The following DST variants were observed in gnomAD, a reference collection of about 807,000 sequenced individuals.
DST encodes bullous pemphigoid antigen.
In DST, 253 loss-of-function variants were observed where a neutral mutation model predicts 875.2. The ratio of observed to expected loss-of-function variants is 0.29; its 90% CI spans 0.26 to 0.32. The LOEUF (loss-of-function observed/expected upper bound fraction) is 0.32. Among genes scored for constraint, DST ranks in the 10% least tolerant of loss-of-function variants. The pLI, the probability that DST is intolerant of heterozygous loss-of-function variation, is 1.00. For synonymous variants in DST, 3,124 were observed against 3,197.1 expected, an observed-to-expected ratio of 0.98 and a Z score of 0.77; for missense variants, 8,287 against 9,111.6, an observed-to-expected ratio of 0.91 and a Z score of 3.68.
At position 56,548,138 on chromosome 6, in the gene DST, G is replaced by C. The variant is rs967929080; in HGVS notation, c.16608+4046C>G. ...GGGCCACACTGGAAGAAGAAGAGTT[G>C]TCTTAGGCCACCCATAAAATACACT... On this transcript the variant is annotated intron_variant, in intron 61 of 103. Transcript: ENST00000680361. Among the ~76,000 whole-genome samples the C allele has an allele frequency of 3.3e-5, 5 of 152,176 alleles. No individual in the cohort carries two copies. The East Asian group carries it at 9.6e-4, about 29-fold the overall frequency.
Position 56,504,029 on chromosome 6 carries a change from C to T in DST, c.19534G>A (p.Glu6512Lys), listed in dbSNP as rs756660501. 8 of 1,609,008 alleles carry T rather than the reference C, an allele frequency of 5.0e-6. No homozygotes were observed. The highest frequency in any genetic ancestry group is 1.7e-5 in the Admixed American group (1 of 59,086). The change falls in exon 78 of 104, where the codon GAA (glutamate) becomes AAA (lysine). Residue 6512 changes from glutamate to lysine, a missense_variant. Coordinates refer to ENST00000680361, the MANE Select transcript of DST (RefSeq NM_001374736.1). ...TCTTCAATCTGCTGCTTGACAGTTTCGAGATCTGTTCCAATTGGAGACATT... is the reference window on the plus strand; with the variant it reads ...TCTTCAATCTGCTGCTTGACAGTTTTGAGATCTGTTCCAATTGGAGACATT... ...ASMSPIGTDL[E>K]TVKQQIEELK...
At chr6:56,912,539 C>A (rs756603603) in intron 2 of DST, among the ~76,000 whole-genome samples, 1 of 152,110 alleles carries the variant, frequency 6.6e-6, no homozygotes, top group Non-Finnish European at 1.5e-5. Flanking sequence ...TACCTAAAAT[C>A]GGTGATGGCT....
At chr6:56,732,120 C>T (rs891600983) in intron 5 of DST, among the ~76,000 whole-genome samples, 1 of 152,126 alleles carries the variant, frequency 6.6e-6, no homozygotes, top group Admixed American at 6.5e-5. Flanking sequence ...TTCACAAGTG[C>T]TAGTTAATTC....
chr6:56,485,513 C>T (rs546424015), intron 87 of DST, 42 bp from the exon 88 acceptor site: 102 of 1,582,150 alleles, frequency 6.4e-5, no homozygotes, highest in Middle Eastern at 1.7e-4. Context: ...CAACAAAAAA[C>T]GTCACTCATA....
rs1371999313 is a variant in DST, at chr6:56,735,226, A to G, written c.687+2T>C. Reference sequence around the variant, plus strand: ...CAGGAAGTGAACGAAATAAAAACTGACCTTCATGAGATGCTGATTTATCCA... The same window carrying G: ...CAGGAAGTGAACGAAATAAAAACTGGCCTTCATGAGATGCTGATTTATCCA... On this transcript the variant is annotated splice_donor_variant, in intron 5 of 103. Coordinates refer to ENST00000680361, the MANE Select transcript of DST (RefSeq NM_001374736.1). LOFTEE classifies it high-confidence loss of function. The G allele has an allele frequency of 6.5e-7, 1 of 1,543,278 alleles. No individual in the cohort carries two copies. Among genetic ancestry groups the G allele is most frequent in the East Asian group, 2.4e-5 (1 of 41,360 alleles).
intron 4 of DST, among the ~76,000 whole-genome samples, chr6:56,811,827 G>T (rs945872245): frequency 6.6e-6 from 1 of 152,048 alleles, no homozygotes; most frequent in Admixed American, 6.6e-5. Flanking sequence ...AGGCACAGTG[G>T]TTCACACCTG....
At chr6:56,668,694 G>A (rs2099084367) in intron 10 of DST, among the ~76,000 whole-genome samples, 1 of 152,006 alleles carries the variant, frequency 6.6e-6, no homozygotes, top group Non-Finnish European at 1.5e-5. Context: ...CTTGAACCTG[G>A]GAGGCAGAGG....
intron 49 of DST, 126 bp from the exon 50 acceptor site, chr6:56,579,063 T>C: frequency 3.9e-6 from 3 of 778,352 alleles, no homozygotes; most frequent in East Asian, 2.9e-5. Context: ...CATACCAACT[T>C]TCATCATCAA....
At position 56,773,173 on chromosome 6, in the gene DST, T is replaced by C. The variant is rs577891885; in HGVS notation, c.626-37884A>G. ...AACACACAGCTGAGCAATTCCTAGA[T>C]TCCTGTCCCTCAGAAACTGTGATAC... is the stretch of plus-strand genomic sequence containing the variant. On this transcript the variant is annotated intron_variant, in intron 4 of 103. Transcript: ENST00000680361. Among the ~76,000 whole-genome samples the C allele has an allele frequency of 2.0e-5, 3 of 152,286 alleles. No homozygotes were observed. In the South Asian group the frequency reaches 6.2e-4, roughly 32 times the overall value.
chr6:56,784,441 T>G (rs1357391138), intron 4 of DST, among the ~76,000 whole-genome samples: 1 of 152,232 alleles, frequency 6.6e-6, no homozygotes, highest in Admixed American at 6.5e-5. Flanking sequence ...TTCTTTTTTC[T>G]CTAAACTTCC....
Position 56,954,505 on chromosome 6 carries a change from G to A in DST, c.83C>T (p.Thr28Ile), listed in dbSNP as rs2127830258. 7.3e-7 allele frequency: 1 copy of A among 1,367,530 alleles called. No homozygotes were observed. Among genetic ancestry groups the A allele is most frequent in the East Asian group, 4.6e-5 (1 of 21,952 alleles). The allele number at this position is 1,367,530 out of a possible 1,614,324, so 84.7% of individuals were successfully genotyped here. ...ALFLLLLLLG[T>I]IATIVFFCCW... ...GCAGAAGAAGACGATGGTGGCGATG[G>A]TGCCCAGCAGAAGCAACAAGAGGAA... is the stretch of plus-strand genomic sequence containing the variant. Residue 28 changes from threonine to isoleucine, a missense_variant, in exon 1 of 104, where the codon ACC becomes ATC. By Grantham distance (89) the Thr-to-Ile change is moderately conservative (BLOSUM62 -1). Coordinates refer to ENST00000680361, the MANE Select transcript of DST (RefSeq NM_001374736.1).
chr6:56,551,472 T>C (rs377580891), intron 61 of DST, among the ~76,000 whole-genome samples: 2 of 152,234 alleles, frequency 1.3e-5, no homozygotes, highest in African/African-American at 2.4e-5. Flanking sequence ...TATACAGATG[T>C]GACTTCTGTT....
Position 56,639,310 on chromosome 6 carries a change from C to T in DST, c.2913G>A (p.Glu971=). Residue 971 remains glutamate, a synonymous_variant, in exon 22 of 104, where the codon GAG becomes GAA. Coordinates refer to ENST00000680361, the MANE Select transcript of DST (RefSeq NM_001374736.1). ...QKEENIKSVQ[E]IAEQLLLENH... ...TTTCTAGAAGTAGCTGCTCTGCTAT[C>T]TCCTGAACTGATTTAATATTTTCTT... 1 of 1,613,820 alleles carries T rather than the reference C, an allele frequency of 6.2e-7. No individual in the cohort carries two copies. Among genetic ancestry groups the T allele is most frequent in the African/African-American group, 1.3e-5 (1 of 75,046 alleles).
chr6:56,501,039 T>C (rs751119740), intron 80 of DST, 41 bp downstream of exon 80: 18 of 1,585,722 alleles, frequency 1.1e-5, no homozygotes, highest in South Asian at 8.2e-5. Context: ...ACACTAGAAA[T>C]GGACAGAGAA....
chr6:56,751,299 A>T (rs1384395999), intron 4 of DST, among the ~76,000 whole-genome samples: 1 of 152,198 alleles, frequency 6.6e-6, no homozygotes, highest in Non-Finnish European at 1.5e-5. Context: ...CGTCACCAAT[A>T]GGGAAAAAAT....
intron 61 of DST, 43 bp downstream of exon 61, chr6:56,552,141 C>A: frequency 6.5e-7 from 1 of 1,530,984 alleles, no homozygotes; most frequent in South Asian, 1.3e-5. Flanking sequence ...TTAGAAACTT[C>A]ATTGACAATA....
chr6:56,488,640 G>A (rs553860275), intron 86 of DST, among the ~76,000 whole-genome samples: 1 of 152,240 alleles, frequency 6.6e-6, no homozygotes, highest in East Asian at 1.9e-4. Flanking sequence ...ATTTCCTCCT[G>A]ATGATGACAA....
intron 36 of DST, chr6:56,616,517 T>G (rs780527553): frequency 6.2e-7 from 1 of 1,614,194 alleles, no homozygotes; most frequent in East Asian, 2.2e-5. Flanking sequence ...CAGAAAGCAT[T>G]GGGACTCTAC....
At chr6:56,755,725 A>G (rs909417069) in intron 4 of DST, among the ~76,000 whole-genome samples, 1 of 152,178 alleles carries the variant, frequency 6.6e-6, no homozygotes, top group Admixed American at 6.5e-5. Flanking sequence ...ATTTATTCCC[A>G]TTTTCTCTTT....
Sources: gnomAD v4.1 joint callset for allele counts (sites outside exome capture counted in the v4.1 genomes callset) on GRCh38, gnomAD v4.1.1 for gene constraint, MANE v1.5 for transcripts, NCBI Gene and HGNC (gene_info 2026-07-23, HGNC 2026-07-21) for gene names.